CFAP61: variants seen among roughly 807,000 people sequenced by gnomAD.
The protein encoded by CFAP61 is cilia- and flagella-associated protein 61.
A neutral mutation model predicts 135.6 loss-of-function variants in CFAP61; 107 were observed. That is an observed-to-expected ratio of 0.79 (90% CI 0.67 to 0.93). CFAP61 has a LOEUF of 0.93. Ranked by LOEUF, CFAP61 falls within the 40% of genes least tolerant of loss-of-function variation. The probability of loss-of-function intolerance (pLI) is 0.00; values close to 1 mark genes in which losing one functional copy is unlikely to be tolerated. For synonymous variants in CFAP61, 575 were observed against 578.5 expected, an observed-to-expected ratio of 0.99 and a Z score of 0.09; for missense variants, 1,507 against 1,556.2, an observed-to-expected ratio of 0.97 and a Z score of 0.53.
At chr20:20,105,872 C>T (rs1018681580) in intron 8 of CFAP61, among the ~76,000 whole-genome samples, 2 of 150,216 alleles carry the variant, frequency 1.3e-5, no homozygotes, top group African/African-American at 4.9e-5. Context: ...ATCTCCTGAC[C>T]TTGTGATCCG....
intron 13 of CFAP61, among the ~76,000 whole-genome samples, chr20:20,181,433 C>G (rs6112810): frequency 2.0e-5 from 3 of 151,806 alleles, no homozygotes; most frequent in Non-Finnish European, 4.4e-5. Context: ...AACCCTGATC[C>G]TTGAGGTCAA....
chr20:20,213,487 T>A (rs1232537021), intron 17 of CFAP61, among the ~76,000 whole-genome samples: 4 of 151,970 alleles, frequency 2.6e-5, no homozygotes, highest in African/African-American at 9.7e-5. Context: ...TGAAATATTT[T>A]ACCTCCATGG....
intron 25 of CFAP61, among the ~76,000 whole-genome samples, chr20:20,312,581 A>G: frequency 6.6e-6 from 1 of 152,216 alleles, no homozygotes; most frequent in Admixed American, 6.5e-5. Flanking sequence ...ATGAAAACTC[A>G]CAAATCTGAG....
intron 6 of CFAP61, among the ~76,000 whole-genome samples, chr20:20,083,709 A>G (rs2046594162): frequency 6.6e-6 from 1 of 152,216 alleles, no homozygotes; most frequent in Non-Finnish European, 1.5e-5. Flanking sequence ...GGATAGGGCA[A>G]TTACAGATTT....
intron 25 of CFAP61, among the ~76,000 whole-genome samples, chr20:20,334,962 C>T (rs778199663): frequency 1.3e-5 from 2 of 152,160 alleles, no homozygotes; most frequent in African/African-American, 2.4e-5. Flanking sequence ...TTACTTGTTC[C>T]TATTCTTATT....
intron 26 of CFAP61, among the ~76,000 whole-genome samples, chr20:20,356,258 T>G (rs1215613795): frequency 1.5e-4 from 9 of 58,698 alleles, no homozygotes; most frequent in Admixed American, 9.0e-4. Context: ...ATACTGCGAG[T>G]GGAGGTAGTC....
intron 8 of CFAP61, among the ~76,000 whole-genome samples, chr20:20,138,286 T>A (rs2051097796): frequency 6.6e-6 from 1 of 152,180 alleles, no homozygotes; most frequent in Non-Finnish European, 1.5e-5. Flanking sequence ...AGCTCGCATG[T>A]CCCCTAAGTC....
At chr20:20,206,941 G>C (rs2056882371) in intron 17 of CFAP61, among the ~76,000 whole-genome samples, 1 of 152,168 alleles carries the variant, frequency 6.6e-6, no homozygotes, top group Non-Finnish European at 1.5e-5. Flanking sequence ...TTGATGAAGT[G>C]CTGGTCAAAT....
At chr20:20,348,809 A>AC (rs1354042524) in intron 26 of CFAP61, among the ~76,000 whole-genome samples, 7 of 151,788 alleles carry the variant, frequency 4.6e-5, no homozygotes, top group South Asian at 2.1e-4. Context: ...AAAAAAAAAA[A>AC]AAACAAACTG....
At chr20:20,240,881 T>C (rs2049973272) in intron 18 of CFAP61, among the ~76,000 whole-genome samples, 2 of 152,204 alleles carry the variant, frequency 1.3e-5, no homozygotes, top group South Asian at 4.1e-4. Flanking sequence ...CTCCTTCCTC[T>C]GCCTGTAATG....
chr20:20,269,120 T>TAC (rs1404454169), intron 21 of CFAP61, among the ~76,000 whole-genome samples: 5 of 43,510 alleles, frequency 1.1e-4, no homozygotes, highest in Non-Finnish European at 2.0e-4. Context: ...TCGTGGGCTA[T>TAC]ATATATATAT....
At chr20:20,191,778 T>C (rs2055939762) in intron 15 of CFAP61, among the ~76,000 whole-genome samples, 1 of 149,776 alleles carries the variant, frequency 6.7e-6, no homozygotes, top group South Asian at 2.1e-4. Flanking sequence ...TGCACTTTAT[T>C]ACATATATCG....
intron 21 of CFAP61, among the ~76,000 whole-genome samples, chr20:20,268,318 C>T (rs917358075): frequency 6.6e-6 from 1 of 152,158 alleles, no homozygotes; most frequent in African/African-American, 2.4e-5. Context: ...GTTACTGAAG[C>T]CCAGGGATGT....
intron 12 of CFAP61, among the ~76,000 whole-genome samples, chr20:20,166,845 T>C (rs2053875270): frequency 6.6e-6 from 1 of 152,226 alleles, no homozygotes; most frequent in Non-Finnish European, 1.5e-5. Flanking sequence ...TTGGCATTTC[T>C]TTCCCTACTA....
At chr20:20,150,040 G>C (rs2052263452) in intron 9 of CFAP61, among the ~76,000 whole-genome samples, 1 of 152,200 alleles carries the variant, frequency 6.6e-6, no homozygotes, top group Non-Finnish European at 1.5e-5. Flanking sequence ...TCTTAGCAGA[G>C]CATGGCAAGA....
intron 21 of CFAP61, among the ~76,000 whole-genome samples, chr20:20,271,601 G>A (rs1215551118): frequency 6.6e-6 from 1 of 152,088 alleles, no homozygotes; most frequent in African/African-American, 2.4e-5. Flanking sequence ...GCCTTTTTAC[G>A]GGTGCTCTGC....
chr20:20,054,023 T>TG (rs796573015), intron 1 of CFAP61, among the ~76,000 whole-genome samples: 4 of 122,406 alleles, frequency 3.3e-5, no homozygotes, highest in Admixed American at 1.7e-4. Context: ...GTTTTTTTTT[T>TG]TTTTTTTTTT....
At chr20:20,166,259 G>C (rs1314674361) in intron 11 of CFAP61, 138 bp from the exon 12 acceptor site, 1 of 666,332 alleles carries the variant, frequency 1.5e-6, no homozygotes, top group African/African-American at 1.8e-5. Flanking sequence ...CACCCCATTA[G>C]TGTTCACCTA....
chr20:20,145,241 C>T (rs1199387622), intron 9 of CFAP61, among the ~76,000 whole-genome samples: 1 of 152,036 alleles, frequency 6.6e-6, no homozygotes, highest in Non-Finnish European at 1.5e-5. Context: ...ACAAGAATAG[C>T]ACAAAGAGCT....
Sources: allele counts gnomAD v4.1 joint callset (sites outside exome capture counted in the v4.1 genomes callset), GRCh38; gene constraint gnomAD v4.1.1; transcripts MANE v1.5; gene names NCBI Gene and HGNC (gene_info 2026-07-23, HGNC 2026-07-21).